Variants in LRRC3B observed in about 807,000 individuals in gnomAD.
LRRC3B encodes the protein leucine-rich repeat-containing protein 3B.
Under a neutral mutation model 12.8 loss-of-function variants are expected in LRRC3B, and 2 were observed. That is an observed-to-expected ratio of 0.16 (90% CI 0.06 to 0.49). LRRC3B has a LOEUF of 0.49. Ranked by LOEUF, LRRC3B falls within the 20% of genes least tolerant of loss-of-function variation. The probability of loss-of-function intolerance (pLI) is 0.96; values close to 1 mark genes in which losing one functional copy is unlikely to be tolerated. For synonymous variants in LRRC3B, 132 were observed against 122.0 expected (o/e 1.08, Z -0.54); for missense variants, 189 against 319.4 (o/e 0.59, Z 3.11).
At position 26,695,051 on chromosome 3, in the gene LRRC3B, T is replaced by C. The variant is rs187526287; in HGVS notation, c.-160-14462T>C. On this transcript the variant is annotated intron_variant, in intron 1 of 1. Coordinates refer to ENST00000396641, the Ensembl canonical transcript of LRRC3B. ...CTTTTAAAGCTTTTGCGTGTGTGTG[T>C]GTGTGTAGATGCTTCTGTTCTGCCT... is the stretch of plus-strand genomic sequence containing the variant. Among the ~76,000 whole-genome samples, 76 of 152,286 alleles carry C rather than the reference T, an allele frequency of 5.0e-4. No homozygotes were observed. The East Asian group carries it at 0.01, about 20-fold the overall frequency.
At chr3:26,664,501 T>A (rs1246762477) in intron 1 of LRRC3B, among the ~76,000 whole-genome samples, 1 of 152,112 alleles carries the variant, frequency 6.6e-6, no homozygotes, top group Admixed American at 6.5e-5. Flanking sequence ...CACCAGACTG[T>A]AAACAATAAA....
rs1055838780 is a variant in LRRC3B at position 26,637,484 on chromosome 3, A to T, written c.-161+14247A>T. 2.6e-5 allele frequency among the ~76,000 whole-genome samples: 4 copies of T among 152,120 alleles called. No homozygotes were observed. In the South Asian group the frequency reaches 6.2e-4, roughly 24 times the overall value. On this transcript the variant is annotated intron_variant, in intron 1 of 1. Transcript: ENST00000396641. ...TCTACCTTACCTTTCCTTCACGTGG[A>T]TGGCAATGAAGAGGTCTTCTTTCCA...
At chr3:26,667,887 A>T (rs886491458) in intron 1 of LRRC3B, among the ~76,000 whole-genome samples, 4 of 150,288 alleles carry the variant, frequency 2.7e-5, no homozygotes, top group Non-Finnish European at 1.5e-5. Flanking sequence ...TGGATTACCA[A>T]TTTTTTTTTA....
At chr3:26,636,099 C>G (rs1698863303) in intron 1 of LRRC3B, among the ~76,000 whole-genome samples, 1 of 152,138 alleles carries the variant, frequency 6.6e-6, no homozygotes, top group Admixed American at 6.5e-5. Context: ...ACCCAGGATG[C>G]AAGCAAGTGA....
chr3:26,691,448 T>G (rs2125449666), intron 1 of LRRC3B, among the ~76,000 whole-genome samples: 1 of 152,280 alleles, frequency 6.6e-6, no homozygotes, highest in East Asian at 1.9e-4. Flanking sequence ...TCATGCTTCA[T>G]GGGTGTAAGC....
At chr3:26,645,400 A>C (rs1699121723) in intron 1 of LRRC3B, among the ~76,000 whole-genome samples, 1 of 152,138 alleles carries the variant, frequency 6.6e-6, no homozygotes, top group Admixed American at 6.5e-5. Context: ...TAAATAAGTA[A>C]ATTGACTTGC....
At chr3:26,650,682 T>G (rs1411769712) in intron 1 of LRRC3B, among the ~76,000 whole-genome samples, 1 of 152,334 alleles carries the variant, frequency 6.6e-6, no homozygotes, top group African/African-American at 2.4e-5. Flanking sequence ...CTATTAAATT[T>G]TAATAATGTA....
At chr3:26,634,813 T>C (rs887937674) in intron 1 of LRRC3B, among the ~76,000 whole-genome samples, 3 of 152,216 alleles carry the variant, frequency 2.0e-5, no homozygotes, top group African/African-American at 7.2e-5. Flanking sequence ...TGGTGGATGT[T>C]GGCTTTGACG....
chr3:26,688,796 A>G (rs558728619), intron 1 of LRRC3B, among the ~76,000 whole-genome samples: 1 of 152,228 alleles, frequency 6.6e-6, no homozygotes, highest in Non-Finnish European at 1.5e-5. Flanking sequence ...GTGGGGACAC[A>G]GATCCAGATC....
intron 1 of LRRC3B, among the ~76,000 whole-genome samples, chr3:26,700,145 G>A (rs1446507052): frequency 6.6e-6 from 1 of 152,150 alleles, no homozygotes; most frequent in Non-Finnish European, 1.5e-5. Flanking sequence ...GAAAAGTAGT[G>A]CCTTAACTGA....
At chr3:26,641,025 A>G (rs926853917) in intron 1 of LRRC3B, among the ~76,000 whole-genome samples, 1 of 152,216 alleles carries the variant, frequency 6.6e-6, no homozygotes, top group African/African-American at 2.4e-5. Flanking sequence ...GATGTTTGGA[A>G]TGCAAAGGTC....
At chr3:26,653,519 A>T (rs1317424054) in intron 1 of LRRC3B, among the ~76,000 whole-genome samples, 1 of 152,160 alleles carries the variant, frequency 6.6e-6, no homozygotes, top group Non-Finnish European at 1.5e-5. Context: ...AGCCTCTGGG[A>T]AGCTGAGAGA....
intron 1 of LRRC3B, among the ~76,000 whole-genome samples, chr3:26,708,050 ATCTTC>A (rs1274648997): frequency 6.6e-6 from 1 of 152,146 alleles, no homozygotes; most frequent in Non-Finnish European, 1.5e-5. Context: ...GCTCACATTA[ATCTTC>A]TCTTCTGTGA....
intron 1 of LRRC3B, among the ~76,000 whole-genome samples, chr3:26,705,020 C>G (rs988344943): frequency 6.6e-6 from 1 of 151,876 alleles, no homozygotes; most frequent in Non-Finnish European, 1.5e-5. Context: ...TGAGTTGGTA[C>G]GCTCACTTAT....
rs150223238 is a variant in LRRC3B, at chr3:26,634,311, G to C, written c.-161+11074G>C. ...TAGAATTCTTCCTGGGTCCTAGCAT[G>C]CTGTGGCAGAGCCATACACTCAGTA... is the stretch of plus-strand genomic sequence containing the variant. On this transcript the variant is annotated intron_variant, in intron 1 of 1. Transcript: ENST00000396641. 2.2e-3 allele frequency among the ~76,000 whole-genome samples: 336 copies of C among 152,316 alleles called. 2 individuals are homozygous for C. Among genetic ancestry groups the C allele is most frequent in the African/African-American group, 7.4e-3 (307 of 41,574 alleles).
intron 1 of LRRC3B, among the ~76,000 whole-genome samples, chr3:26,704,448 T>C (rs1700533297): frequency 6.6e-6 from 1 of 152,200 alleles, no homozygotes; most frequent in Non-Finnish European, 1.5e-5. Flanking sequence ...CCTGAATTTA[T>C]TTTACTGACA....
chr3:26,710,466 T>G, exon 2 of LRRC3B: 1 of 1,541,668 alleles, frequency 6.5e-7, no homozygotes, highest in Non-Finnish European at 8.7e-7. Context: ...CCAAACTGAC[T>G]GTCATTGAGA....
chr3:26,665,752 C>G lies in LRRC3B; in HGVS notation c.-161+42515C>G, dbSNP rs1575140791. On this transcript the variant is annotated intron_variant, in intron 1 of 1. Coordinates refer to ENST00000396641, the Ensembl canonical transcript of LRRC3B. ...AAATTCCAGTCAAATCTTAGGTATA[C>G]TTTTTTAAGCTAAAAGAAAGTTTTC... is the stretch of plus-strand genomic sequence containing the variant. Among the ~76,000 whole-genome samples the G allele has an allele frequency of 2.6e-5, 4 of 152,184 alleles. No individual in the cohort carries two copies. In the Middle Eastern group the frequency reaches 0.014, roughly 518 times the overall value.
rs554327290 is a variant in LRRC3B at position 26,668,821 on chromosome 3, A to G, written c.-160-40692A>G. ...ATCCTCTGGCTCCTTTTCAATGCATATAGACTGCAAATTTTGCTGAATATC... is the reference window on the plus strand; with the variant it reads ...ATCCTCTGGCTCCTTTTCAATGCATGTAGACTGCAAATTTTGCTGAATATC... On this transcript the variant is annotated intron_variant, in intron 1 of 1. Transcript: ENST00000396641. 2.0e-5 allele frequency among the ~76,000 whole-genome samples: 3 copies of G among 152,296 alleles called. No homozygotes were observed. In the South Asian group the frequency reaches 6.2e-4, roughly 32 times the overall value.
Sources: gnomAD v4.1 joint callset for allele counts (sites outside exome capture counted in the v4.1 genomes callset) on GRCh38, gnomAD v4.1.1 for gene constraint, MANE v1.5 for transcripts, NCBI Gene and HGNC (gene_info 2026-07-23, HGNC 2026-07-21) for gene names.